The following ITPKA variants were observed in gnomAD, a reference collection of about 807,000 sequenced individuals.
ITPKA encodes IP3 3-kinase A.
In ITPKA, 16 loss-of-function variants were observed where a neutral mutation model predicts 40.7. The ratio of observed to expected loss-of-function variants is 0.39; its 90% CI spans 0.27 to 0.60. ITPKA has a LOEUF of 0.60. Ranked by LOEUF, ITPKA falls within the 20% of genes least tolerant of loss-of-function variation. The pLI, the probability that ITPKA is intolerant of heterozygous loss-of-function variation, is 0.50. For synonymous variants in ITPKA, 313 were observed against 289.9 expected, an observed-to-expected ratio of 1.08 and a Z score of -0.81; for missense variants, 540 against 649.3, an observed-to-expected ratio of 0.83 and a Z score of 1.83.
chr15:41,501,429 G>C (rs1162632615), intron 1 of ITPKA, 34 bp from the exon 2 acceptor site: 14 of 1,580,838 alleles, frequency 8.9e-6, no homozygotes, highest in Non-Finnish European at 1.2e-5. Context: ...TTGCCGAGAC[G>C]CCGATTATCA....
rs986776034 is a variant in ITPKA, at chr15:41,501,931, G to A, written c.804-66G>A. Reference sequence around the variant, plus strand: ...GACAGCTGCTTGAGGGGGACCCGGGGCGAGTGCTCGAAGGGGTCTCCGTGT... The same window carrying A: ...GACAGCTGCTTGAGGGGGACCCGGGACGAGTGCTCGAAGGGGTCTCCGTGT... On this transcript the variant is annotated intron_variant, in intron 3 of 6. Coordinates refer to ENST00000260386, the MANE Select transcript of ITPKA (RefSeq NM_002220.3). 3.1e-6 allele frequency: 5 copies of A among 1,589,560 alleles called. No individual in the cohort carries two copies. The African/African-American group carries it at 5.4e-5, about 17-fold the overall frequency.
intron 1 of ITPKA, among the ~76,000 whole-genome samples, chr15:41,498,356 G>A (rs1488364593): frequency 1.3e-5 from 2 of 151,732 alleles, no homozygotes; most frequent in Non-Finnish European, 2.9e-5. Flanking sequence ...GCTAGGACTG[G>A]CCTTAGTTGC....
Position 41,502,516 on chromosome 15 carries a change from T to C in ITPKA, c.1110+13T>C. 2 of 1,477,988 alleles carry C rather than the reference T, an allele frequency of 1.4e-6. No individual in the cohort carries two copies. The highest frequency in any genetic ancestry group is 1.9e-6 in the Non-Finnish European group (2 of 1,057,628). 91.6% of individuals were successfully genotyped at this position (1,477,988 alleles called of 1,614,324 possible). A position where few individuals can be genotyped will look rare whatever the true frequency, so the allele number is the denominator to read the frequency against. On this transcript the variant is annotated intron_variant, in intron 5 of 6. Transcript: ENST00000260386. ...TGAGGAAGTGCTGGTGAGAGCGGGATCCCAAACCCTGAGGTGTTGGGGAGC... is the reference window on the plus strand; with the variant it reads ...TGAGGAAGTGCTGGTGAGAGCGGGACCCCAAACCCTGAGGTGTTGGGGAGC...
intron 1 of ITPKA, among the ~76,000 whole-genome samples, chr15:41,496,340 C>T (rs887740712): frequency 7.2e-5 from 11 of 152,184 alleles, no homozygotes; most frequent in African/African-American, 2.7e-4. Context: ...CCAGGCAGGC[C>T]GGAGCCCAGG....
In ITPKA at chr15:41,503,028, C is replaced by T. The variant is rs2051133290; in HGVS notation, c.1248C>T (p.Asp416=). Residue 416 remains aspartate, a synonymous_variant, in exon 7 of 7, where the codon GAC becomes GAT. Coordinates refer to ENST00000260386, the MANE Select transcript of ITPKA (RefSeq NM_002220.3). The part of the protein sequence containing the change: ...HCHRAGVWLI[D]FGKTTPLPDG... ...ATCGCGCCGGCGTGTGGCTCATCGA[C>T]TTCGGCAAGACCACGCCCCTCCCCG... The T allele has an allele frequency of 1.2e-6, 2 of 1,610,744 alleles. No homozygotes were observed. The highest frequency in any genetic ancestry group is 4.5e-5 in the East Asian group (2 of 44,756).
rs1446298693 is a variant in ITPKA, at chr15:41,494,611, C to A, written c.489+195C>A. ...GCCTGGGCAACTTTCACCTCGGCTC[C>A]GCCGGCGGGTCGTGGCGCTGGCCCT... On this transcript the variant is annotated intron_variant, in intron 1 of 6. Transcript: ENST00000260386. The surrounding 1 kb of genome is among the most constrained non-coding windows in gnomAD (Gnocchi z 7.8). Among the ~76,000 whole-genome samples the A allele has an allele frequency of 6.6e-6, 1 of 152,134 alleles. No individual in the cohort carries two copies. Among genetic ancestry groups the A allele is most frequent in the East Asian group, 1.9e-4 (1 of 5,170 alleles).
chr15:41,496,074 G>T (rs1219403824), intron 1 of ITPKA, among the ~76,000 whole-genome samples: 1 of 152,232 alleles, frequency 6.6e-6, no homozygotes, highest in African/African-American at 2.4e-5. Flanking sequence ...CCCCAGGCCC[G>T]CCGGGGCCTC....
chr15:41,501,745 G>GC lies in ITPKA; in HGVS notation c.699dup (p.Phe234LeufsTer47). 6.2e-7 allele frequency: 1 copy of GC among 1,612,388 alleles called. No individual in the cohort carries two copies. The highest frequency in any genetic ancestry group is 8.5e-7 in the Non-Finnish European group (1 of 1,179,696). The stretch of plus-strand genomic sequence containing the variant: ...TGACGCGCTGCGCGGCTGCGTGCCT[G>GC]CCTTCCACGGCGTGGTGGAGCGCGA... On this transcript the variant is annotated frameshift_variant, in exon 3 of 7. Coordinates refer to ENST00000260386, the MANE Select transcript of ITPKA (RefSeq NM_002220.3). LOFTEE classifies it high-confidence loss of function.
chr15:41,503,518 G>C lies in ITPKA; in HGVS notation c.*352G>C, dbSNP rs899409832. On this transcript the variant is annotated 3_prime_UTR_variant, in exon 7 of 7. Coordinates refer to ENST00000260386, the MANE Select transcript of ITPKA (RefSeq NM_002220.3). ...CCGGTCTAACGTCTCACACCACGAC[G>C]GACTCCCCTTCCTAATAAAACTCAA... is the stretch of plus-strand genomic sequence containing the variant. 1.7e-5 allele frequency: 10 copies of C among 595,594 alleles called. No homozygotes were observed. Among genetic ancestry groups the C allele is most frequent in the African/African-American group, 1.3e-4 (7 of 54,908 alleles). The allele number at this position is 595,594 out of a possible 1,614,324, so 36.9% of individuals were successfully genotyped here.
Position 41,502,960 on chromosome 15 carries a change from C to G in ITPKA, c.1183-3C>G. 1 of 1,597,864 alleles carries G rather than the reference C, an allele frequency of 6.3e-7. No individual in the cohort carries two copies. The highest frequency in any genetic ancestry group is 8.5e-7 in the Non-Finnish European group (1 of 1,170,954). ...CCGCGGCCTGACGGTGCGGGGCTCG[C>G]AGGTGATCGGCAGCTCGCTCCTCTT... On this transcript the variant is annotated splice_region_variant and splice_polypyrimidine_tract_variant and intron_variant, in intron 6 of 6. Transcript: ENST00000260386.
chr15:41,495,438 C>T (rs1418442467), intron 1 of ITPKA, among the ~76,000 whole-genome samples: 13 of 152,330 alleles, frequency 8.5e-5, no homozygotes, highest in East Asian at 1.9e-4. Context: ...GCCTGCTCCG[C>T]CGCACAATCG....
chr15:41,502,232 G>T (rs993442405), intron 4 of ITPKA, 31 bp downstream of exon 4: 1 of 1,544,058 alleles, frequency 6.5e-7, no homozygotes. Flanking sequence ...TGGCACCGCC[G>T]CAGCCCCACT....
chr15:41,501,399 G>A, intron 1 of ITPKA, 64 bp from the exon 2 acceptor site: 1 of 1,548,036 alleles, frequency 6.5e-7, no homozygotes, highest in Non-Finnish European at 8.7e-7. Context: ...CCCTGTTTCA[G>A]TGGAGGGAGG....
rs755813046 is a variant in ITPKA at position 41,501,698 on chromosome 15, A to G, written c.650A>G (p.Tyr217Cys). The G allele has an allele frequency of 6.2e-7, 1 of 1,610,890 alleles. No individual in the cohort carries two copies. The highest frequency in any genetic ancestry group is 1.1e-5 in the South Asian group (1 of 90,804). Residue 217 changes from tyrosine (Y) to cysteine (C), a missense_variant, in exon 3 of 7, where the codon TAC becomes TGC. Coordinates refer to ENST00000260386, the MANE Select transcript of ITPKA (RefSeq NM_002220.3). ...ILKRCSEPER[Y>C]CLARLMADAL... ...AAGCGCTGCTCGGAGCCGGAGCGCT[A>G]CTGCCTGGCGCGGCTGATGGCTGAC...
intron 1 of ITPKA, among the ~76,000 whole-genome samples, chr15:41,496,755 C>T (rs937746105): frequency 5.9e-5 from 9 of 152,200 alleles, no homozygotes; most frequent in African/African-American, 2.2e-4. Context: ...GGTTAACAGA[C>T]TTCCTTTTTA....
rs2051129482 is a variant in ITPKA at position 41,502,844 on chromosome 15, C to T, written c.1167C>T (p.Phe389=). 6.2e-7 allele frequency: 1 copy of T among 1,612,976 alleles called. No individual in the cohort carries two copies. The highest frequency in any genetic ancestry group is 1.1e-5 in the South Asian group (1 of 90,956). Residue 389 remains phenylalanine, a synonymous_variant, in exon 6 of 7, where the codon TTC becomes TTT. Transcript: ENST00000260386. ...GGGACACCCTGGAGGTATCCGAGTT[C>T]TTCAGGAGGCACGAGGTAAGCGGCG... is the stretch of plus-strand genomic sequence containing the variant. ...QIRDTLEVSE[F]FRRHEVIGSS... is the part of the protein sequence containing the mutation.
Position 41,503,333 on chromosome 15 carries a change from GT to G in ITPKA, c.*171del. ...AGGGGGGGCACCGCCGATGCCAGGG[GT>G]TTTGCCCACCCGGGCCCCAGCGTTC... On this transcript the variant is annotated 3_prime_UTR_variant, in exon 7 of 7. Transcript: ENST00000260386. 1 of 620,384 alleles carries G rather than the reference GT, an allele frequency of 1.6e-6. No individual in the cohort carries two copies. Among genetic ancestry groups the G allele is most frequent in the Non-Finnish European group, 2.8e-6 (1 of 355,358 alleles). The allele number at this position is 620,384 out of a possible 1,614,324, so 38.4% of individuals were successfully genotyped here. A position where few individuals can be genotyped will look rare whatever the true frequency, so the allele number is the denominator to read the frequency against.
Position 41,494,003 on chromosome 15 carries a change from G to A in ITPKA, c.76G>A (p.Ala26Thr). 1 of 1,164,040 alleles carries A rather than the reference G, an allele frequency of 8.6e-7. No individual in the cohort carries two copies. The allele number at this position is 1,164,040 out of a possible 1,614,324, so 72.1% of individuals were successfully genotyped here. Residue 26 changes from alanine (A) to threonine (T), a missense_variant, in exon 1 of 7, where the codon GCC becomes ACC. Physicochemically the swap from Ala to Thr is moderately conservative, Grantham distance 58. Transcript: ENST00000260386. This position sits in a 1 kb window ranked among gnomAD's most constrained non-coding sequence, Gnocchi z 7.8. ...GCCCTGCAGCCCGGGGCTGGAGCGG[G>A]CCCCGCGCCGGAGTGTCGGGGAGCT... ...ARPCSPGLER[A>T]PRRSVGELRL...
Position 41,502,965 on chromosome 15 carries a change from G to A in ITPKA, c.1185G>A (p.Val395=). ...EVSEFFRRHE[V]IGSSLLFVHD... is the part of the protein sequence containing the mutation. ...GCCTGACGGTGCGGGGCTCGCAGGT[G>A]ATCGGCAGCTCGCTCCTCTTTGTGC... The change falls in exon 7 of 7, where the codon GTG becomes GTA. Residue 395 remains valine, a splice_region_variant and synonymous_variant. Transcript: ENST00000260386. 6.3e-7 allele frequency: 1 copy of A among 1,598,606 alleles called. No homozygotes were observed. The highest frequency in any genetic ancestry group is 8.5e-7 in the Non-Finnish European group (1 of 1,171,440).
Sources: allele counts gnomAD v4.1 joint callset (sites outside exome capture counted in the v4.1 genomes callset), GRCh38; gene constraint gnomAD v4.1.1; non-coding constraint Gnocchi (gnomAD v3.1); transcripts MANE v1.5; gene names NCBI Gene and HGNC (gene_info 2026-07-23, HGNC 2026-07-21).